DOK6: variants seen among roughly 807,000 people sequenced by gnomAD.
The protein encoded by DOK6 is downstream of tyrosine kinase 6.
In DOK6, 22 loss-of-function variants were observed where a neutral mutation model predicts 44.0. That is an observed-to-expected ratio of 0.50 (90% CI 0.36 to 0.71). The LOEUF is 0.71. Ranked by LOEUF, DOK6 falls within the 30% of genes least tolerant of loss-of-function variation. The pLI is 0.00. For synonymous variants in DOK6, 166 were observed against 145.5 expected, an observed-to-expected ratio of 1.14 and a Z score of -1.01; for missense variants, 340 against 416.4, an observed-to-expected ratio of 0.82 and a Z score of 1.60.
rs143429781 is a variant in DOK6 at position 69,641,828 on chromosome 18, A to G, written c.290-35906A>G. ...TTGCTGTGCACAAGCAGCAGTGTGGAAAACACACACACAAAAAAAGATTCT... is the reference window on the plus strand; with the variant it reads ...TTGCTGTGCACAAGCAGCAGTGTGGGAAACACACACACAAAAAAAGATTCT... On this transcript the variant is annotated intron_variant, in intron 3 of 7. Coordinates refer to ENST00000382713, the MANE Select transcript of DOK6 (RefSeq NM_152721.6). Among the ~76,000 whole-genome samples, 802 of 151,648 alleles carry G rather than the reference A, an allele frequency of 5.3e-3. 4 individuals are homozygous for G. The highest frequency in any genetic ancestry group is 0.017 in the Middle Eastern group (5 of 290).
At chr18:69,500,987 A>T (rs1188128410) in intron 1 of DOK6, among the ~76,000 whole-genome samples, 1 of 152,148 alleles carries the variant, frequency 6.6e-6, no homozygotes, top group African/African-American at 2.4e-5. Context: ...AGAGTATGTT[A>T]ATGTTGCATT....
intron 3 of DOK6, among the ~76,000 whole-genome samples, chr18:69,611,476 A>T (rs1382585171): frequency 2.0e-5 from 3 of 151,312 alleles, no homozygotes; most frequent in African/African-American, 7.3e-5. Context: ...CCAAAAAAGG[A>T]AAAAGAAACA....
At chr18:69,745,978 G>A (rs914963416) in intron 6 of DOK6, among the ~76,000 whole-genome samples, 1 of 152,224 alleles carries the variant, frequency 6.6e-6, no homozygotes, top group Middle Eastern at 3.4e-3. Context: ...TTTAGAAAGA[G>A]CCCAAAATTT....
intron 7 of DOK6, among the ~76,000 whole-genome samples, chr18:69,809,383 GATAC>G (rs1981148442): frequency 1.3e-5 from 2 of 151,462 alleles, no homozygotes; most frequent in Non-Finnish European, 3.0e-5. Context: ...TTTTCTCTAA[GATAC>G]AGAACAAGAC....
chr18:69,828,884 G>GTATATATATATATA lies in DOK6; in HGVS notation c.857-12357_857-12344dup, dbSNP rs74175393. Among the ~76,000 whole-genome samples, 61 of 90,198 alleles carry GTATATATATATATA rather than the reference G, an allele frequency of 6.8e-4. 8 individuals are homozygous for GTATATATATATATA. The highest frequency in any genetic ancestry group is 2.0e-3 in the East Asian group (5 of 2,462). 59.2% of individuals were successfully genotyped at this position (90,198 alleles called of 152,430 possible). A position where few individuals can be genotyped will look rare whatever the true frequency, so the allele number is the denominator to read the frequency against. Reference sequence around the variant, plus strand: ...ATTATTAATAGCAATACATTTATGTGTATATATATATATATAGTATGTATG... The same window carrying GTATATATATATATA: ...ATTATTAATAGCAATACATTTATGTGTATATATATATATATATATATATATATATAGTATGTATG... On this transcript the variant is annotated intron_variant, in intron 7 of 7. Transcript: ENST00000382713.
At chr18:69,737,744 C>T (rs1476460973) in intron 5 of DOK6, among the ~76,000 whole-genome samples, 1 of 152,170 alleles carries the variant, frequency 6.6e-6, no homozygotes, top group Non-Finnish European at 1.5e-5. Flanking sequence ...CATGCAAGCT[C>T]TTGCGCGGGG....
intron 2 of DOK6, among the ~76,000 whole-genome samples, chr18:69,574,251 G>A (rs1333763104): frequency 2.0e-5 from 3 of 151,944 alleles, no homozygotes; most frequent in Non-Finnish European, 4.4e-5. Flanking sequence ...AATCTTCTAG[G>A]ACCAGGAGGA....
chr18:69,555,862 G>A lies in DOK6; in HGVS notation c.67-8625G>A, dbSNP rs2144591626. Among the ~76,000 whole-genome samples the A allele has an allele frequency of 2.6e-5, 4 of 152,236 alleles. No homozygotes were observed. The South Asian group carries it at 8.3e-4, about 32-fold the overall frequency. On this transcript the variant is annotated intron_variant, in intron 1 of 7. Coordinates refer to ENST00000382713, the MANE Select transcript of DOK6 (RefSeq NM_152721.6). Reference sequence around the variant, plus strand: ...AGATACTGTGTATCCTTCCTGATTTGTTAGCAGATACTGACATTTTAAACA... The same window carrying A: ...AGATACTGTGTATCCTTCCTGATTTATTAGCAGATACTGACATTTTAAACA...
In DOK6 at chr18:69,677,832, G is replaced by C. The variant is rs1455025930; in HGVS notation, c.388G>C (p.Gly130Arg). 1 of 1,613,654 alleles carries C rather than the reference G, an allele frequency of 6.2e-7. No individual in the cohort carries two copies. Among genetic ancestry groups the C allele is most frequent in the East Asian group, 2.2e-5 (1 of 44,862 alleles). ...SLGEPDLLAA[G>R]VQREQNERFN... ...TGGGGAGCCCGACCTTCTGGCCGCA[G>C]GAGTGCAGCGGGAACAGAATGGTAG... Residue 130 changes from glycine (G) to arginine (R), a missense_variant, in exon 4 of 8, where the codon GGA (glycine) becomes CGA (arginine). Transcript: ENST00000382713.
chr18:69,692,832 C>G (rs139030507), intron 4 of DOK6, among the ~76,000 whole-genome samples: 1 of 152,252 alleles, frequency 6.6e-6, no homozygotes, highest in Non-Finnish European at 1.5e-5. Context: ...ATTATATAAC[C>G]AGTTTACAGC....
intron 2 of DOK6, among the ~76,000 whole-genome samples, chr18:69,583,925 G>A (rs1406179097): frequency 1.3e-5 from 2 of 151,958 alleles, no homozygotes; most frequent in African/African-American, 4.8e-5. Context: ...TGGCTAACAC[G>A]GTGAAACCCC....
chr18:69,768,948 G>GGTGTGTGTGTGTGTGTGT (rs1341229658), intron 7 of DOK6, among the ~76,000 whole-genome samples: 4 of 37,648 alleles, frequency 1.1e-4, no homozygotes, highest in Admixed American at 3.2e-4. Flanking sequence ...AGATTTGAAG[G>GGTGTGTGTGTGTGTGTGT]GTGTGCGTGT....
At chr18:69,697,132 AT>A (rs77244235) in intron 4 of DOK6, among the ~76,000 whole-genome samples, 13 of 151,374 alleles carry the variant, frequency 8.6e-5, no homozygotes, top group African/African-American at 1.2e-4. Flanking sequence ...TAATTCAAAT[AT>A]TTTTTTTGGC....
At chr18:69,784,739 T>C (rs965567769) in intron 7 of DOK6, among the ~76,000 whole-genome samples, 1 of 152,202 alleles carries the variant, frequency 6.6e-6, no homozygotes, top group African/African-American at 2.4e-5. Flanking sequence ...TTCCACAAGA[T>C]AGATAATTCT....
At chr18:69,738,448 C>G (rs1203987815) in intron 5 of DOK6, among the ~76,000 whole-genome samples, 1 of 152,118 alleles carries the variant, frequency 6.6e-6, no homozygotes, top group African/African-American at 2.4e-5. Context: ...TGAATAACAA[C>G]TTGTCAGTGG....
At chr18:69,489,780 G>A (rs1980683852) in intron 1 of DOK6, among the ~76,000 whole-genome samples, 1 of 152,030 alleles carries the variant, frequency 6.6e-6, no homozygotes, top group Non-Finnish European at 1.5e-5. Flanking sequence ...GTATGTCTTA[G>A]GTTGATATTT....
chr18:69,420,131 A>T (rs559255854), intron 1 of DOK6, among the ~76,000 whole-genome samples: 1 of 152,266 alleles, frequency 6.6e-6, no homozygotes, highest in African/African-American at 2.4e-5. Flanking sequence ...AAAACATACA[A>T]AAAAACACAG....
intron 3 of DOK6, among the ~76,000 whole-genome samples, chr18:69,645,897 C>A (rs1425421918): frequency 2.0e-5 from 3 of 152,070 alleles, no homozygotes; most frequent in African/African-American, 2.4e-5. Flanking sequence ...CTTAATAATT[C>A]TTTTGTCGAT....
intron 1 of DOK6, among the ~76,000 whole-genome samples, chr18:69,513,495 G>T (rs1981432403): frequency 6.6e-6 from 1 of 152,300 alleles, no homozygotes; most frequent in Non-Finnish European, 1.5e-5. Flanking sequence ...GCAATAAGTG[G>T]TTTCCAAAGA....
Sources: gnomAD v4.1 joint callset for allele counts (sites outside exome capture counted in the v4.1 genomes callset) on GRCh38, gnomAD v4.1.1 for gene constraint, MANE v1.5 for transcripts, NCBI Gene and HGNC (gene_info 2026-07-23, HGNC 2026-07-21) for gene names.